Variants in COL25A1 observed in about 807,000 individuals in gnomAD.
The protein encoded by COL25A1 is collagen alpha-1(XXV) chain.
COL25A1 carries 103 observed loss-of-function variants against 128.4 expected under a neutral mutation model. That is an observed-to-expected ratio of 0.80 (90% confidence interval 0.68 to 0.94). COL25A1 has a LOEUF of 0.94. Ranked by LOEUF, COL25A1 falls within the 40% of genes least tolerant of loss-of-function variation. COL25A1 has a pLI of 0.00. For synonymous variants in COL25A1, 279 were observed against 277.2 expected (o/e 1.01, Z -0.06); for missense variants, 745 against 840.0 (o/e 0.89, Z 1.40).
At chr4:109,067,471 A>C (rs1380186583) in intron 3 of COL25A1, among the ~76,000 whole-genome samples, 1 of 152,220 alleles carries the variant, frequency 6.6e-6, no homozygotes, top group Admixed American at 6.5e-5. Flanking sequence ...CTGCATTTAA[A>C]AATTACAGTC....
At chr4:108,816,443 C>T (rs1335441284) in intron 37 of COL25A1, among the ~76,000 whole-genome samples, 4 of 152,146 alleles carry the variant, frequency 2.6e-5, no homozygotes, top group African/African-American at 9.6e-5. Context: ...ATGATTGAAG[C>T]ATCTTGTGCA....
At chr4:108,933,178 C>G (rs1376657896) in intron 11 of COL25A1, among the ~76,000 whole-genome samples, 1 of 152,190 alleles carries the variant, frequency 6.6e-6, no homozygotes, top group Non-Finnish European at 1.5e-5. Context: ...ACCTGAGACA[C>G]TCATGCAGTT....
At chr4:109,294,991 T>C (rs542511944) in intron 3 of COL25A1, among the ~76,000 whole-genome samples, 97 of 152,166 alleles carry the variant, frequency 6.4e-4, no homozygotes, top group African/African-American at 2.3e-3. Context: ...TGTAGTTGAT[T>C]TTGCACAATT....
chr4:108,825,108 A>G (rs1387931381), intron 34 of COL25A1, 88 bp downstream of exon 34: 2 of 1,106,942 alleles, frequency 1.8e-6, no homozygotes, highest in African/African-American at 3.1e-5. Context: ...TATGCACAGA[A>G]AAAAAAGAAG....
intron 3 of COL25A1, among the ~76,000 whole-genome samples, chr4:109,206,146 A>C (rs1776968251): frequency 6.6e-6 from 1 of 152,200 alleles, no homozygotes; most frequent in Non-Finnish European, 1.5e-5. Context: ...CTCTAACGTT[A>C]TCTTATGGCA....
chr4:108,859,470 A>T (rs2125788141), intron 24 of COL25A1, among the ~76,000 whole-genome samples, 186 bp downstream of exon 24: 1 of 152,326 alleles, frequency 6.6e-6, no homozygotes, highest in Non-Finnish European at 1.5e-5. Context: ...GAAAAATGCT[A>T]CAAAATAAAG....
intron 3 of COL25A1, among the ~76,000 whole-genome samples, chr4:109,279,425 G>A (rs1384922999): frequency 6.6e-6 from 1 of 152,006 alleles, no homozygotes; most frequent in Non-Finnish European, 1.5e-5. Flanking sequence ...AAAATTAGAA[G>A]ATTAGCCAGG....
At chr4:109,019,135 G>C (rs1757466613) in intron 5 of COL25A1, among the ~76,000 whole-genome samples, 1 of 151,926 alleles carries the variant, frequency 6.6e-6, no homozygotes, top group African/African-American at 2.4e-5. Flanking sequence ...TTAGCTTCCA[G>C]TGAACAAAAA....
At chr4:109,261,436 G>C (rs1354064076) in intron 3 of COL25A1, among the ~76,000 whole-genome samples, 1 of 152,180 alleles carries the variant, frequency 6.6e-6, no homozygotes. Flanking sequence ...AGAATCGCTT[G>C]AACCTGGGTG....
chr4:108,844,617 A>C (rs1734867412), intron 29 of COL25A1, 48 bp from the exon 30 acceptor site: 1 of 1,581,520 alleles, frequency 6.3e-7, no homozygotes, highest in Admixed American at 1.8e-5. Context: ...CATTTAGATA[A>C]GGCAGTTCAA....
intron 6 of COL25A1, among the ~76,000 whole-genome samples, chr4:108,992,476 G>A (rs1754321810): frequency 6.6e-6 from 1 of 152,110 alleles, no homozygotes; most frequent in South Asian, 2.1e-4. Flanking sequence ...GAAGAATATT[G>A]ATATCTAAGG....
chr4:109,009,752 T>C (rs1339111247), intron 6 of COL25A1, among the ~76,000 whole-genome samples: 5 of 152,246 alleles, frequency 3.3e-5, no homozygotes, highest in Non-Finnish European at 5.9e-5. Context: ...TTTCTCGTAC[T>C]GACTTTTCAT....
At chr4:109,152,268 T>C (rs1354143814) in intron 3 of COL25A1, among the ~76,000 whole-genome samples, 1 of 152,160 alleles carries the variant, frequency 6.6e-6, no homozygotes, top group Non-Finnish European at 1.5e-5. Context: ...CTTAGCAGAA[T>C]ACAGTAAGTG....
In COL25A1 at chr4:109,300,187, A is replaced by C. The variant is rs544409076; in HGVS notation, c.367+396T>G. On this transcript the variant is annotated intron_variant, in intron 3 of 37. Coordinates refer to ENST00000399132, the MANE Select transcript of COL25A1 (RefSeq NM_198721.4). ...CAAAGGGAATAAACCAAAACAAAAAAAAAAAAAAACTCTGCACTAACACAA... is the reference window on the plus strand; with the variant it reads ...CAAAGGGAATAAACCAAAACAAAAACAAAAAAAAACTCTGCACTAACACAA... Among the ~76,000 whole-genome samples the C allele has an allele frequency of 7.2e-3, 1,093 of 152,010 alleles. 13 individuals carry two copies. The highest frequency in any genetic ancestry group is 0.025 in the African/African-American group (1,029 of 41,492).
chr4:108,967,187 G>A (rs1215238908), intron 8 of COL25A1, among the ~76,000 whole-genome samples: 2 of 152,074 alleles, frequency 1.3e-5, no homozygotes, highest in Non-Finnish European at 2.9e-5. Flanking sequence ...GTATTTCATA[G>A]GGTTGTTGAA....
At chr4:109,246,440 T>G (rs1780273279) in intron 3 of COL25A1, among the ~76,000 whole-genome samples, 1 of 152,176 alleles carries the variant, frequency 6.6e-6, no homozygotes, top group South Asian at 2.1e-4. Context: ...CAGTAAATGG[T>G]ATTCTAATTG....
chr4:108,895,970 G>C (rs1364025384), intron 16 of COL25A1, among the ~76,000 whole-genome samples: 2 of 100,656 alleles, frequency 2.0e-5, no homozygotes, highest in African/African-American at 3.7e-5. Flanking sequence ...TTTTGAGACA[G>C]AGTCTCGCTC....
chr4:109,238,852 A>G (rs145910263), intron 3 of COL25A1, among the ~76,000 whole-genome samples: 1 of 152,170 alleles, frequency 6.6e-6, no homozygotes, highest in African/African-American at 2.4e-5. Context: ...TATGAAGCCC[A>G]GCATTTCTCT....
intron 19 of COL25A1, among the ~76,000 whole-genome samples, chr4:108,881,989 C>T (rs912099847): frequency 6.6e-6 from 1 of 152,158 alleles, no homozygotes; most frequent in African/African-American, 2.4e-5. Context: ...CTTCTTTTCA[C>T]TATAGTCAGC....
Sources: gnomAD v4.1 joint callset for allele counts (sites outside exome capture counted in the v4.1 genomes callset) on GRCh38, gnomAD v4.1.1 for gene constraint, MANE v1.5 for transcripts, NCBI Gene and HGNC (gene_info 2026-07-23, HGNC 2026-07-21) for gene names.